The following PSPC1 variants were observed in gnomAD, a reference collection of about 807,000 sequenced individuals.
The protein encoded by PSPC1 is paraspeckle component 1.
A neutral mutation model predicts 51.6 loss-of-function variants in PSPC1; 14 were observed. The observed-to-expected ratio is 0.27, with a 90% CI of 0.18 to 0.42. The LOEUF (loss-of-function observed/expected upper bound fraction) is 0.42. PSPC1 is among the 10% of genes least tolerant of loss of function. The probability of loss-of-function intolerance (pLI) is 1.00; values close to 1 mark genes in which losing one functional copy is unlikely to be tolerated. For synonymous variants in PSPC1, 193 were observed against 231.9 expected, an observed-to-expected ratio of 0.83 and a Z score of 1.53; for missense variants, 406 against 701.1, an observed-to-expected ratio of 0.58 and a Z score of 4.75.
At chr13:19,709,892 G>A (rs2137773771) in intron 6 of PSPC1, among the ~76,000 whole-genome samples, 1 of 151,420 alleles carries the variant, frequency 6.6e-6, no homozygotes, top group East Asian at 2.0e-4. Flanking sequence ...TCCAACAGAT[G>A]AAAGACACAT....
chr13:19,709,032 C>A (rs1881058834), intron 7 of PSPC1, among the ~76,000 whole-genome samples: 3 of 151,888 alleles, frequency 2.0e-5, no homozygotes, highest in Admixed American at 2.0e-4. Context: ...GGCGTGGTGG[C>A]ACATGCCTGT....
intron 6 of PSPC1, among the ~76,000 whole-genome samples, chr13:19,725,603 A>C (rs1883283634): frequency 6.6e-6 from 1 of 151,684 alleles, no homozygotes; most frequent in Non-Finnish European, 1.5e-5. Context: ...GTAGGGCAAA[A>C]TAAACAAAAC....
At chr13:19,728,691 T>C (rs780461554) in intron 6 of PSPC1, among the ~76,000 whole-genome samples, 1 of 152,158 alleles carries the variant, frequency 6.6e-6, no homozygotes, top group African/African-American at 2.4e-5. Context: ...ACTGTGAAGC[T>C]TGGAACCAAA....
At chr13:19,722,597 C>T (rs1882903399) in intron 6 of PSPC1, among the ~76,000 whole-genome samples, 1 of 152,062 alleles carries the variant, frequency 6.6e-6, no homozygotes, top group African/African-American at 2.4e-5. Context: ...GGTTCGAGAC[C>T]AGCCTGGCCA....
Position 19,710,943 on chromosome 13 carries a change from T to C in PSPC1, c.1159-1344A>G, listed in dbSNP as rs190436771. On this transcript the variant is annotated intron_variant, in intron 6 of 8. Coordinates refer to ENST00000338910, the MANE Select transcript of PSPC1 (RefSeq NM_001354909.2). ...GCCTCGAACTCCTGGGCTCAAGTGA[T>C]CCTCCTGCCTCAGCTTCCCGAATAG... Among the ~76,000 whole-genome samples the C allele has an allele frequency of 9.8e-4, 149 of 152,022 alleles. 3 individuals are homozygous for C. In the East Asian group the frequency reaches 0.025, roughly 26 times the overall value.
chr13:19,763,725 G>T (rs936115441), intron 2 of PSPC1, among the ~76,000 whole-genome samples: 4 of 152,198 alleles, frequency 2.6e-5, no homozygotes, highest in African/African-American at 9.6e-5. Context: ...ACTCGGCCAG[G>T]CGTGGTGGCT....
intron 6 of PSPC1, among the ~76,000 whole-genome samples, chr13:19,711,187 T>C (rs1323293847): frequency 6.6e-6 from 1 of 152,128 alleles, no homozygotes; most frequent in Non-Finnish European, 1.5e-5. Context: ...ATCATAAAAT[T>C]TGTGACCATT....
At chr13:19,753,764 G>C (rs927916379) in intron 3 of PSPC1, among the ~76,000 whole-genome samples, 2 of 152,064 alleles carry the variant, frequency 1.3e-5, no homozygotes, top group Non-Finnish European at 2.9e-5. Context: ...ACAAGAGAGG[G>C]AAAGATATTC....
At chr13:19,743,099 T>C (rs992091830) in intron 4 of PSPC1, among the ~76,000 whole-genome samples, 40 of 152,310 alleles carry the variant, frequency 2.6e-4, no homozygotes, top group African/African-American at 9.4e-4. Flanking sequence ...ATCTAAGAAG[T>C]AGTGTATAAA....
intron 6 of PSPC1, among the ~76,000 whole-genome samples, chr13:19,686,078 T>C (rs1398207540): frequency 2.0e-5 from 3 of 152,228 alleles, no homozygotes; most frequent in Admixed American, 2.0e-4. Flanking sequence ...GTGCTTTGAT[T>C]CTCGCTCTCC....
At chr13:19,778,382 TCC>T (rs1889435641) in intron 1 of PSPC1, among the ~76,000 whole-genome samples, 5 of 26,704 alleles carry the variant, frequency 1.9e-4, no homozygotes, top group Admixed American at 3.5e-4. Context: ...CCCCTCCCCC[TCC>T]CCCTCCCCCT....
intron 1 of PSPC1, among the ~76,000 whole-genome samples, chr13:19,775,788 C>A (rs549603530): frequency 6.6e-6 from 1 of 152,072 alleles, no homozygotes; most frequent in African/African-American, 2.4e-5. Flanking sequence ...CAGTGGCTCA[C>A]GCCTGTAATC....
At chr13:19,768,435 C>A (rs893584174) in intron 2 of PSPC1, among the ~76,000 whole-genome samples, 5 of 151,002 alleles carry the variant, frequency 3.3e-5, no homozygotes, top group African/African-American at 1.2e-4. Context: ...ATCACAAGGT[C>A]AGGATATCGA....
intron 6 of PSPC1, among the ~76,000 whole-genome samples, chr13:19,694,147 A>C (rs1359406009): frequency 9.2e-5 from 3 of 32,710 alleles, no homozygotes; most frequent in Non-Finnish European, 2.9e-4. Context: ...AAAAAAAAAA[A>C]AAACCATATA....
At chr13:19,778,899 C>T (rs1479902413) in intron 1 of PSPC1, among the ~76,000 whole-genome samples, 12 of 106,360 alleles carry the variant, frequency 1.1e-4, no homozygotes, top group African/African-American at 2.5e-4. Flanking sequence ...CATCTCCGCC[C>T]GGCCGCCATC....
At position 19,751,340 on chromosome 13, in the gene PSPC1, C is replaced by T; in HGVS notation, c.898G>A (p.Ala300Thr). 3 of 1,585,346 alleles carry T rather than the reference C, an allele frequency of 1.9e-6. No individual in the cohort carries two copies. The highest frequency in any genetic ancestry group is 1.7e-6 in the Non-Finnish European group (2 of 1,171,580). Reference sequence around the variant, plus strand: ...ATTTCTGCCTCCAGTTTCTCTTTGGCTTCTCTGATGTTTCTATCAACCTGC... The same window carrying T: ...ATTTCTGCCTCCAGTTTCTCTTTGGTTTCTCTGATGTTTCTATCAACCTGC... ...REQVDRNIRE[A>T]KEKLEAEMEA... Residue 300 changes from alanine to threonine, a missense_variant, in exon 4 of 9, where the codon GCC becomes ACC. By Grantham distance (58) the Ala-to-Thr change is moderately conservative (BLOSUM62 0). Around this residue, in one of 5 missense-constraint regions of PSPC1, gnomAD observed 180 missense variants for 337.9 expected, o/e 0.53. Transcript: ENST00000338910.
downstream of PSPC1, among the ~76,000 whole-genome samples, chr13:19,698,711 C>T (rs1237430648): frequency 6.6e-6 from 1 of 151,832 alleles, no homozygotes; most frequent in Non-Finnish European, 1.5e-5. Context: ...AAGAACAATT[C>T]TGACAAACTT....
chr13:19,752,520 T>G (rs552876662), intron 3 of PSPC1, among the ~76,000 whole-genome samples: 1 of 152,022 alleles, frequency 6.6e-6, no homozygotes, highest in Non-Finnish European at 1.5e-5. Context: ...CCTCCAAAAG[T>G]GCAAAATTAC....
chr13:19,694,513 T>C (rs1309590081), intron 6 of PSPC1, among the ~76,000 whole-genome samples: 1 of 152,234 alleles, frequency 6.6e-6, no homozygotes, highest in Non-Finnish European at 1.5e-5. Context: ...AATTTTACAT[T>C]CTTTTCTTCG....
Sources: allele counts gnomAD v4.1 joint callset (sites outside exome capture counted in the v4.1 genomes callset), GRCh38; gene constraint gnomAD v4.1.1; regional missense constraint gnomAD v4.1.1; transcripts MANE v1.5; gene names NCBI Gene and HGNC (gene_info 2026-07-23, HGNC 2026-07-21).